The following DOCK11 variants were observed in gnomAD, a reference collection of about 807,000 sequenced individuals.
DOCK11 encodes the protein dedicator of cytokinesis 11, also known as dedicator of cytokinesis protein 11.
Under a neutral mutation model 169.1 loss-of-function variants are expected in DOCK11, and 70 were observed. The ratio of observed to expected loss-of-function variants is 0.41; its 90% CI spans 0.34 to 0.51. The LOEUF (loss-of-function observed/expected upper bound fraction) is 0.51. Among genes scored for constraint, DOCK11 ranks in the 20% least tolerant of loss-of-function variants. DOCK11 has a pLI of 0.10. For missense variants in DOCK11, 1,166 were observed against 1,538.8 expected, an observed-to-expected ratio of 0.76 and a Z score of 4.05; for synonymous variants, 529 against 541.3, an observed-to-expected ratio of 0.98 and a Z score of 0.32.
At chrX:118,509,286 T>C (rs1603021121) in intron 1 of DOCK11, among the ~76,000 whole-genome samples, 1 of 108,836 alleles carries the variant, frequency 9.2e-6, no homozygotes, top group Non-Finnish European at 1.9e-5. Context: ...TTTTTTTTTT[T>C]CTGGAAACAG....
intron 6 of DOCK11, among the ~76,000 whole-genome samples, chrX:118,553,603 A>T (rs1458634346): frequency 3.6e-5 from 4 of 111,568 alleles, no homozygotes; most frequent in Non-Finnish European, 7.5e-5. Context: ...ATATATCCAG[A>T]GTCCAAAAGT....
rs1319776708 is a variant in DOCK11, at chrX:118,676,000, C to G, written c.5264C>G (p.Thr1755Arg). 1 of 1,200,773 alleles carries G rather than the reference C, an allele frequency of 8.3e-7. No individual in the cohort carries two copies. Among genetic ancestry groups the G allele is most frequent in the Admixed American group, 2.3e-5 (1 of 43,716 alleles). The change falls in exon 47 of 53, where the codon ACA (threonine) becomes AGA (arginine). Residue 1755 changes from threonine to arginine, a missense_variant. By Grantham distance (71) the Thr-to-Arg change is moderately conservative. Coordinates refer to ENST00000276202, the MANE Select transcript of DOCK11 (RefSeq NM_144658.4). ...AYTKILEVMH[T>R]KKRLLGTFFR... ...ACAAAAATTCTGGAAGTTATGCATA[C>G]AAAAAAGAGACTTTTAGGCACTTTC...
intron 8 of DOCK11, 147 bp downstream of exon 8, chrX:118,566,329 CT>C (rs1458940966): frequency 3.3e-6 from 2 of 608,700 alleles, no homozygotes; most frequent in Admixed American, 4.1e-5. Flanking sequence ...GGTTGATAGA[CT>C]TTTTTTAAAC....
At chrX:118,664,970 A>T (rs969603562) in intron 45 of DOCK11, among the ~76,000 whole-genome samples, 5 of 112,560 alleles carry the variant, frequency 4.4e-5, no homozygotes, top group African/African-American at 1.6e-4. Flanking sequence ...TTGATTTTTT[A>T]AAATACACAA....
At chrX:118,622,949 C>T (rs976204144) in intron 31 of DOCK11, among the ~76,000 whole-genome samples, 1 of 112,407 alleles carries the variant, frequency 8.9e-6, no homozygotes. Flanking sequence ...GGAGCGGTGG[C>T]TCACGCCTGT....
chrX:118,624,708 T>G lies in DOCK11; in HGVS notation c.3588+53T>G, dbSNP rs933312815. 3.5e-6 allele frequency: 3 copies of G among 865,078 alleles called. No homozygotes were observed. The African/African-American group carries it at 6.1e-5, about 18-fold the overall frequency. The allele number at this position is 865,078 out of a possible 1,213,427, so 71.3% of individuals were successfully genotyped here. On this transcript the variant is annotated intron_variant, in intron 32 of 52. Transcript: ENST00000276202. ...TTTTATCCTATTTTATTGAATGCAT[T>G]TGGAATTGGGGTCATATGCTATATG...
chrX:118,530,690 T>G (rs757747603), intron 1 of DOCK11, among the ~76,000 whole-genome samples: 30 of 112,322 alleles, frequency 2.7e-4, no homozygotes, highest in Non-Finnish European at 5.6e-4. Flanking sequence ...TCACCAGTGA[T>G]ATGAATCACT....
chrX:118,501,998 A>T (rs2057579135), intron 1 of DOCK11, among the ~76,000 whole-genome samples: 1 of 111,829 alleles, frequency 8.9e-6, no homozygotes, highest in Non-Finnish European at 1.9e-5. Flanking sequence ...GGCTTGAATG[A>T]ATCTGCTTAC....
At chrX:118,628,062 C>A in intron 33 of DOCK11, 101 bp from the exon 34 acceptor site, 1 of 470,809 alleles carries the variant, frequency 2.1e-6, no homozygotes. Flanking sequence ...AAGATCTATT[C>A]CCTACATTAA....
At chrX:118,624,752 CA>C (rs2015057747) in intron 32 of DOCK11, 97 bp downstream of exon 32, 1 of 289,248 alleles carries the variant, frequency 3.5e-6, no homozygotes, top group Non-Finnish European at 6.0e-6. Context: ...CTTAAGAGTT[CA>C]CTTTTTTTTT....
At chrX:118,576,711 G>C (rs1490309574) in intron 12 of DOCK11, among the ~76,000 whole-genome samples, 2 of 112,468 alleles carry the variant, frequency 1.8e-5, no homozygotes, top group Admixed American at 1.9e-4. Flanking sequence ...AAAACAGCAA[G>C]CTTTTATCAA....
chrX:118,598,217 G>T, intron 22 of DOCK11, 101 bp downstream of exon 22: 3 of 580,017 alleles, frequency 5.2e-6, no homozygotes, highest in South Asian at 8.1e-5. Context: ...TATGTGACCT[G>T]CAAGATTTTC....
intron 40 of DOCK11, among the ~76,000 whole-genome samples, chrX:118,646,930 T>C (rs16994791): frequency 0.16 from 17,457 of 110,673 alleles, 1,096 homozygotes; most frequent in African/African-American, 0.19. Context: ...CTATTGTGTA[T>C]CCTGAAGCAG....
At chrX:118,658,058 C>CA (rs1236218773) in intron 44 of DOCK11, among the ~76,000 whole-genome samples, 1 of 111,579 alleles carries the variant, frequency 9.0e-6, no homozygotes, top group East Asian at 2.8e-4. Context: ...CGGCAGTTGA[C>CA]AGAGTAAATG....
chrX:118,516,587 C>T (rs1192625939), intron 1 of DOCK11, among the ~76,000 whole-genome samples: 1 of 109,285 alleles, frequency 9.2e-6, no homozygotes, highest in Non-Finnish European at 1.9e-5. Flanking sequence ...GAGTGCACTA[C>T]CATGCCCAAG....
At chrX:118,608,929 G>A (rs2014607206) in intron 26 of DOCK11, among the ~76,000 whole-genome samples, 1 of 111,233 alleles carries the variant, frequency 9.0e-6, no homozygotes. Flanking sequence ...AGTGCAGGTG[G>A]TAATAAGATT....
chrX:118,672,731 G>A (rs764055236), intron 46 of DOCK11, among the ~76,000 whole-genome samples: 37 of 113,120 alleles, frequency 3.3e-4, no homozygotes, highest in Non-Finnish European at 9.4e-5. Flanking sequence ...CACCGTGCCC[G>A]GCCTGGCCAT....
At chrX:118,574,891 C>T (rs1382606136) in intron 12 of DOCK11, among the ~76,000 whole-genome samples, 2 of 111,719 alleles carry the variant, frequency 1.8e-5, no homozygotes, top group Non-Finnish European at 3.8e-5. Flanking sequence ...GGAATTCTGA[C>T]CTCTGACCAG....
At chrX:118,665,264 T>C (rs988355677) in intron 45 of DOCK11, among the ~76,000 whole-genome samples, 1 of 112,533 alleles carries the variant, frequency 8.9e-6, no homozygotes, top group Non-Finnish European at 1.9e-5. Context: ...GTTGAATTGA[T>C]TGATCATAAC....
Sources: gnomAD v4.1 joint callset for allele counts (sites outside exome capture counted in the v4.1 genomes callset) on GRCh38, gnomAD v4.1.1 for gene constraint, MANE v1.5 for transcripts, NCBI Gene and HGNC (gene_info 2026-07-23, HGNC 2026-07-21) for gene names.